The following SLC1A2 variants were observed in gnomAD, a reference collection of about 807,000 sequenced individuals.
SLC1A2 encodes the protein excitatory amino acid transporter 2.
SLC1A2 carries 15 observed loss-of-function variants against 48.8 expected under a neutral mutation model. The ratio of observed to expected loss-of-function variants is 0.31; its 90% CI spans 0.21 to 0.47. The LOEUF is 0.47. Ranked by LOEUF, SLC1A2 falls within the 20% of genes least tolerant of loss-of-function variation. The probability of loss-of-function intolerance (pLI) is 0.99; values close to 1 mark genes in which losing one functional copy is unlikely to be tolerated. For synonymous variants in SLC1A2, 279 were observed against 272.6 expected, an observed-to-expected ratio of 1.02 and a Z score of -0.23; for missense variants, 502 against 730.5, an observed-to-expected ratio of 0.69 and a Z score of 3.61.
In SLC1A2 at chr11:35,276,086, C is replaced by G. The variant is rs577833764; in HGVS notation, c.1421+4781G>C. Among the ~76,000 whole-genome samples, 5 of 152,294 alleles carry G rather than the reference C, an allele frequency of 3.3e-5. No homozygotes were observed. The South Asian group carries it at 8.3e-4, about 25-fold the overall frequency. On this transcript the variant is annotated intron_variant, in intron 9 of 10. Transcript: ENST00000278379. ...AGGAATGCTCGTGCTTATTTGTATA[C>G]AAACATTCATCCCCAGCAGAATTCT... is the stretch of plus-strand genomic sequence containing the variant.
intron 3 of SLC1A2, among the ~76,000 whole-genome samples, chr11:35,314,780 C>A (rs560947311): frequency 3.5e-3 from 308 of 87,540 alleles, no homozygotes; most frequent in Non-Finnish European, 5.8e-3. Flanking sequence ...GTTTCCTTTT[C>A]TTTTCTTTTT....
At chr11:35,317,285 T>C in intron 2 of SLC1A2, 92 bp downstream of exon 2, 1 of 1,422,744 alleles carries the variant, frequency 7.0e-7, no homozygotes. Flanking sequence ...TCCTTTCTGG[T>C]GGAAGGGCTG....
chr11:35,341,693 T>C (rs1852848323), intron 1 of SLC1A2, among the ~76,000 whole-genome samples: 1 of 152,164 alleles, frequency 6.6e-6, no homozygotes, highest in Non-Finnish European at 1.5e-5. Context: ...GTATTGGGTG[T>C]TGGGGGTAAG....
intron 1 of SLC1A2, among the ~76,000 whole-genome samples, chr11:35,331,593 C>T (rs912111923): frequency 6.6e-6 from 1 of 152,214 alleles, no homozygotes; most frequent in South Asian, 2.1e-4. Context: ...CTTGTGGAGA[C>T]AGGCTGGTTC....
At chr11:35,296,462 C>A (rs755170512) in intron 6 of SLC1A2, among the ~76,000 whole-genome samples, 2 of 152,176 alleles carry the variant, frequency 1.3e-5, no homozygotes, top group Non-Finnish European at 2.9e-5. Context: ...TGGATTAGAA[C>A]TTTTCATCAA....
chr11:35,317,282 TG>T, intron 2 of SLC1A2, 94 bp downstream of exon 2: 1 of 1,406,476 alleles, frequency 7.1e-7, no homozygotes, highest in Non-Finnish European at 9.7e-7. Context: ...GCTTCCTTTC[TG>T]GTGGAAGGGC....
Position 35,317,627 on chromosome 11 carries a change from T to A in SLC1A2, c.18-111A>T. 2.3e-6 allele frequency: 3 copies of A among 1,309,878 alleles called. No homozygotes were observed. The South Asian group carries it at 4.1e-5, about 18-fold the overall frequency. The allele number at this position is 1,309,878 out of a possible 1,614,324, so 81.1% of individuals were successfully genotyped here. On this transcript the variant is annotated intron_variant, in intron 1 of 10. Coordinates refer to ENST00000278379, the MANE Select transcript of SLC1A2 (RefSeq NM_004171.4). ...GGCACAGTTGGAATCTGGAACCATC[T>A]GCAGGAAAATAAAAGTAAGTGTGAC...
chr11:35,400,720 T>A (rs2135270439), intron 1 of SLC1A2, among the ~76,000 whole-genome samples: 1 of 152,286 alleles, frequency 6.6e-6, no homozygotes, highest in East Asian at 1.9e-4. Flanking sequence ...ACTACTTGAT[T>A]CTCCTGAAAA....
At chr11:35,361,243 A>G (rs1356297619) in intron 1 of SLC1A2, among the ~76,000 whole-genome samples, 1 of 152,210 alleles carries the variant, frequency 6.6e-6, no homozygotes, top group East Asian at 1.9e-4. Context: ...TTGGAGGCTA[A>G]GAATGTACAT....
intron 7 of SLC1A2, among the ~76,000 whole-genome samples, chr11:35,289,148 G>T (rs752746200): frequency 6.6e-6 from 1 of 152,198 alleles, no homozygotes; most frequent in Non-Finnish European, 1.5e-5. Context: ...GCTGAAGACA[G>T]GTCAGTCTCA....
chr11:35,266,295 C>T (rs576422366), intron 9 of SLC1A2, among the ~76,000 whole-genome samples: 1 of 152,312 alleles, frequency 6.6e-6, no homozygotes, highest in East Asian at 1.9e-4. Context: ...CTAACCCTTC[C>T]TTTCTCCCTG....
At chr11:35,377,871 T>C (rs574943542) in intron 1 of SLC1A2, among the ~76,000 whole-genome samples, 2 of 152,362 alleles carry the variant, frequency 1.3e-5, no homozygotes, top group East Asian at 1.9e-4. Flanking sequence ...ATCTAGAAAA[T>C]TGCAAGCATT....
chr11:35,339,257 A>G (rs1852747906), intron 1 of SLC1A2, among the ~76,000 whole-genome samples: 1 of 152,218 alleles, frequency 6.6e-6, no homozygotes, highest in African/African-American at 2.4e-5. Flanking sequence ...GAATCAGGGA[A>G]TCTCAATGCG....
At chr11:35,414,568 C>T (rs146913305) in intron 1 of SLC1A2, among the ~76,000 whole-genome samples, 1,716 of 152,182 alleles carry the variant, frequency 0.011, 16 homozygotes, top group Non-Finnish European at 0.014. Flanking sequence ...AGCTCATGAT[C>T]GTGGTAAATA....
chr11:35,367,371 T>C (rs1317057292), intron 1 of SLC1A2, among the ~76,000 whole-genome samples: 1 of 152,184 alleles, frequency 6.6e-6, no homozygotes. Flanking sequence ...AGGGTGACCT[T>C]GGGGGAAATG....
In SLC1A2 at chr11:35,253,605, T is replaced by C. The variant is rs959891300; in HGVS notation, c.*7289A>G. 2.6e-5 allele frequency: 4 copies of C among 152,676 alleles called. No homozygotes were observed. Among genetic ancestry groups the C allele is most frequent in the Non-Finnish European group, 5.9e-5 (4 of 68,044 alleles). 9.5% of individuals were successfully genotyped at this position (152,676 alleles called of 1,614,324 possible). A position where few individuals can be genotyped will look rare whatever the true frequency, so the allele number is the denominator to read the frequency against. ...GTTAGAAAGATGAATTATTTAGATG[T>C]ATATCCTCACCAGCTAAGGGATTTA... On this transcript the variant is annotated 3_prime_UTR_variant, in exon 11 of 11. Coordinates refer to ENST00000278379, the MANE Select transcript of SLC1A2 (RefSeq NM_004171.4).
chr11:35,301,657 A>G lies in SLC1A2; in HGVS notation c.731-12T>C. ...AAACCCTATCAGACCTGTTGGATGA[A>G]TCACATTACATAGAAGGACAAATTA... On this transcript the variant is annotated splice_polypyrimidine_tract_variant and intron_variant, in intron 5 of 10. Transcript: ENST00000278379. The G allele has an allele frequency of 6.2e-7, 1 of 1,611,228 alleles. No homozygotes were observed. Among genetic ancestry groups the G allele is most frequent in the Non-Finnish European group, 8.5e-7 (1 of 1,178,752 alleles).
At chr11:35,306,472 A>AT (rs1851510245) in intron 4 of SLC1A2, among the ~76,000 whole-genome samples, 1 of 152,210 alleles carries the variant, frequency 6.6e-6, no homozygotes, top group African/African-American at 2.4e-5. Flanking sequence ...TAATTACACA[A>AT]TTTTTTATTT....
chr11:35,404,259 G>A (rs1183503194), intron 1 of SLC1A2: 1 of 152,134 alleles, frequency 6.6e-6, no homozygotes, highest in Non-Finnish European at 1.5e-5. Flanking sequence ...CTAACCCAGG[G>A]TTGCCCCATT....
Sources: allele counts gnomAD v4.1 joint callset (sites outside exome capture counted in the v4.1 genomes callset), GRCh38; gene constraint gnomAD v4.1.1; transcripts MANE v1.5; gene names NCBI Gene and HGNC (gene_info 2026-07-23, HGNC 2026-07-21).